The following LUC7L2 variants were observed in gnomAD, a reference collection of about 807,000 sequenced individuals.
The protein encoded by LUC7L2 is LUC7 like 2, pre-mRNA splicing factor.
Under a neutral mutation model 52.8 loss-of-function variants are expected in LUC7L2, and 25 were observed. The ratio of observed to expected loss-of-function variants is 0.47; its 90% CI spans 0.34 to 0.66. The LOEUF (loss-of-function observed/expected upper bound fraction) is 0.66, where lower values mean the gene tolerates loss of function less well. LUC7L2 is among the 30% of genes least tolerant of loss of function. LUC7L2 has a pLI of 0.01. For missense variants in LUC7L2, 328 were observed against 497.8 expected, an observed-to-expected ratio of 0.66 and a Z score of 3.25; for synonymous variants, 144 against 160.9, an observed-to-expected ratio of 0.89 and a Z score of 0.80.
At chr7:139,395,968 T>C (rs774303125) in intron 2 of LUC7L2, among the ~76,000 whole-genome samples, 5 of 152,178 alleles carry the variant, frequency 3.3e-5, no homozygotes, top group Non-Finnish European at 5.9e-5. Flanking sequence ...TTTTTTACTT[T>C]TTTTAATAGT....
At chr7:139,368,397 G>A (rs1133068) in intron 1 of LUC7L2, among the ~76,000 whole-genome samples, 58,618 of 152,126 alleles carry the variant, frequency 0.39, 15,786 homozygotes, top group African/African-American at 0.77. Context: ...ACAAGCATCT[G>A]TATGATTGAA....
chr7:139,414,838 C>G (rs973953441), intron 8 of LUC7L2, among the ~76,000 whole-genome samples: 34 of 145,184 alleles, frequency 2.3e-4, no homozygotes, highest in African/African-American at 9.2e-4. Context: ...CCTGCTTATT[C>G]CGTATAAATA....
At chr7:139,368,378 A>G (rs374891309) in intron 1 of LUC7L2, among the ~76,000 whole-genome samples, 2 of 152,396 alleles carry the variant, frequency 1.3e-5, no homozygotes, top group African/African-American at 4.8e-5. Flanking sequence ...TAAAAAGTAC[A>G]GAGGTCAAAC....
intron 7 of LUC7L2, among the ~76,000 whole-genome samples, chr7:139,410,864 CT>C (rs1293854753): frequency 6.6e-6 from 1 of 152,110 alleles, no homozygotes; most frequent in East Asian, 1.9e-4. Context: ...ACCAGGTAAT[CT>C]TTTTGCACCA....
intron 4 of LUC7L2, among the ~76,000 whole-genome samples, chr7:139,404,004 G>A (rs1329943401): frequency 1.3e-5 from 2 of 152,176 alleles, no homozygotes; most frequent in Non-Finnish European, 2.9e-5. Flanking sequence ...CAAGGACATG[G>A]ATACAGGGAA....
At chr7:139,356,215 TGGGA>T (rs1266237164), upstream of LUC7L2, among the ~76,000 whole-genome samples, 2 of 144,152 alleles carry the variant, frequency 1.4e-5, no homozygotes, top group African/African-American at 5.0e-5. Flanking sequence ...GAGGCTGAGG[TGGGA>T]GGATCACTTG....
At chr7:139,397,898 C>T (rs1270185225) in intron 2 of LUC7L2, among the ~76,000 whole-genome samples, 1 of 152,140 alleles carries the variant, frequency 6.6e-6, no homozygotes, top group African/African-American at 2.4e-5. Flanking sequence ...AATGCTTGTT[C>T]TCTGTGCACT....
chr7:139,385,750 A>G (rs1485399754), intron 2 of LUC7L2, among the ~76,000 whole-genome samples: 1 of 152,208 alleles, frequency 6.6e-6, no homozygotes, highest in East Asian at 1.9e-4. Flanking sequence ...TCAGTGTCAT[A>G]TTGATTTCTT....
intron 1 of LUC7L2, among the ~76,000 whole-genome samples, chr7:139,346,829 G>A (rs2131149384): frequency 6.6e-6 from 1 of 152,244 alleles, no homozygotes; most frequent in African/African-American, 2.4e-5. Context: ...TGGGCAAATA[G>A]CTCCACCATG....
At position 139,359,937 on chromosome 7, in the gene LUC7L2, GA is replaced by G. The variant is rs1457897954; in HGVS notation, c.-324del. On this transcript the variant is annotated 5_prime_UTR_variant, in exon 1 of 10. Transcript: ENST00000354926. ...GTGGCGGCGAGCGGCGTCAGAGCTTGAGGGGGGGTTGACGGCTTCTGGCGGG... is the reference window on the plus strand; with the variant it reads ...GTGGCGGCGAGCGGCGTCAGAGCTTGGGGGGGGTTGACGGCTTCTGGCGGG... The G allele has an allele frequency of 1.4e-5, 6 of 421,636 alleles. No individual in the cohort carries two copies. The highest frequency in any genetic ancestry group is 2.1e-5 in the African/African-American group (1 of 48,708). The allele number at this position is 421,636 out of a possible 1,614,324, so 26.1% of individuals were successfully genotyped here. A position where few individuals can be genotyped will look rare whatever the true frequency, so the allele number is the denominator to read the frequency against.
At position 139,359,957 on chromosome 7, in the gene LUC7L2, T is replaced by C. The variant is rs1799776602; in HGVS notation, c.-305T>C. On this transcript the variant is annotated 5_prime_UTR_variant, in exon 1 of 10. Coordinates refer to ENST00000354926, the MANE Select transcript of LUC7L2 (RefSeq NM_016019.5). ...AGCTTGAGGGGGGGTTGACGGCTTC[T>C]GGCGGGTGGCGGTGTTGAAGGCGAG... 2 of 425,718 alleles carry C rather than the reference T, an allele frequency of 4.7e-6. No homozygotes were observed. The highest frequency in any genetic ancestry group is 4.2e-6 in the Non-Finnish European group (1 of 240,382). The allele number at this position is 425,718 out of a possible 1,614,324, so 26.4% of individuals were successfully genotyped here.
intron 1 of LUC7L2, among the ~76,000 whole-genome samples, chr7:139,362,155 A>G (rs1437634924): frequency 1.3e-5 from 2 of 151,898 alleles, no homozygotes; most frequent in African/African-American, 4.8e-5. Context: ...TCGAACTCAT[A>G]TTTACGAGTC....
chr7:139,340,817 A>C (rs1585051641), intron 1 of LUC7L2, among the ~76,000 whole-genome samples: 1 of 150,402 alleles, frequency 6.6e-6, no homozygotes, highest in Non-Finnish European at 1.5e-5. Flanking sequence ...ACAAAGCGAA[A>C]TATGCCAACT....
chr7:139,415,054 G>GGT (rs1370992578), intron 8 of LUC7L2, among the ~76,000 whole-genome samples: 1 of 54,192 alleles, frequency 1.8e-5, no homozygotes, highest in Non-Finnish European at 3.1e-5. Context: ...GCCCTGCTAA[G>GGT]TTTTTTTTTT....
chr7:139,398,576 A>G, intron 2 of LUC7L2, 23 bp from the exon 3 acceptor site: 1 of 1,576,460 alleles, frequency 6.3e-7, no homozygotes, highest in South Asian at 1.2e-5. Flanking sequence ...TTGTTTTAAT[A>G]TTATGTCTTT....
chr7:139,423,428 C>G lies in LUC7L2; in HGVS notation c.*1088C>G, dbSNP rs1037360660. ...GTGTTTTTATTCTCATTCAACAAACCCAAATAAAAACAGTATATGTAACCA... is the reference window on the plus strand; with the variant it reads ...GTGTTTTTATTCTCATTCAACAAACGCAAATAAAAACAGTATATGTAACCA... On this transcript the variant is annotated 3_prime_UTR_variant, in exon 10 of 10. Coordinates refer to ENST00000354926, the MANE Select transcript of LUC7L2 (RefSeq NM_016019.5). 1 of 398,688 alleles carries G rather than the reference C, an allele frequency of 2.5e-6. No individual in the cohort carries two copies. Among genetic ancestry groups the G allele is most frequent in the Non-Finnish European group, 4.4e-6 (1 of 226,048 alleles). 24.7% of individuals were successfully genotyped at this position (398,688 alleles called of 1,614,324 possible). A position where few individuals can be genotyped will look rare whatever the true frequency, so the allele number is the denominator to read the frequency against.
At chr7:139,381,387 T>TTTTTATTTTA (rs144581381) in intron 2 of LUC7L2, among the ~76,000 whole-genome samples, 179 of 110,206 alleles carry the variant, frequency 1.6e-3, no homozygotes, top group African/African-American at 3.7e-3. Flanking sequence ...TTTATTTTAT[T>TTTTTATTTTA]TTTTATTTTA....
intron 1 of LUC7L2, among the ~76,000 whole-genome samples, chr7:139,366,764 C>T (rs116151988): frequency 1.9e-3 from 288 of 152,274 alleles, no homozygotes; most frequent in African/African-American, 6.6e-3. Context: ...CTTGGAGCAG[C>T]AATTCAGCAT....
chr7:139,391,152 T>C (rs1262918485), intron 2 of LUC7L2, among the ~76,000 whole-genome samples: 1 of 152,252 alleles, frequency 6.6e-6, no homozygotes, highest in African/African-American at 2.4e-5. Flanking sequence ...AGTATTAATA[T>C]ATTCATAGTC....
Sources: allele counts gnomAD v4.1 joint callset (sites outside exome capture counted in the v4.1 genomes callset), GRCh38; gene constraint gnomAD v4.1.1; transcripts MANE v1.5; gene names NCBI Gene and HGNC (gene_info 2026-07-23, HGNC 2026-07-21).